Variants in LDLRAD4 observed in about 807,000 individuals in gnomAD.
LDLRAD4 encodes the protein low-density lipoprotein receptor class A domain-containing protein 4.
In LDLRAD4, 5 loss-of-function variants were observed where a neutral mutation model predicts 17.0. The ratio of observed to expected loss-of-function variants is 0.29; its 90% CI spans 0.15 to 0.62. LDLRAD4 has a LOEUF of 0.62. Ranked by LOEUF, LDLRAD4 falls within the 20% of genes least tolerant of loss-of-function variation. The probability of loss-of-function intolerance (pLI) is 0.84; values close to 1 mark genes in which losing one functional copy is unlikely to be tolerated. For missense variants in LDLRAD4, 340 were observed against 424.7 expected, an observed-to-expected ratio of 0.80 and a Z score of 1.75; for synonymous variants, 168 against 171.8, an observed-to-expected ratio of 0.98 and a Z score of 0.17.
At chr18:13,358,084 T>C (rs1275703838) in intron 1 of LDLRAD4, among the ~76,000 whole-genome samples, 5 of 152,134 alleles carry the variant, frequency 3.3e-5, no homozygotes, top group African/African-American at 1.2e-4. Flanking sequence ...CAATCCACAC[T>C]CATCTTGTAT....
intron 1 of LDLRAD4, among the ~76,000 whole-genome samples, chr18:13,344,349 C>T (rs2082553919): frequency 1.3e-5 from 2 of 152,166 alleles, no homozygotes; most frequent in Admixed American, 1.3e-4. Context: ...AATCCTTTCC[C>T]CATTTCTTGT....
At chr18:13,539,118 A>T (rs1219177175) in intron 3 of LDLRAD4, among the ~76,000 whole-genome samples, 1 of 152,138 alleles carries the variant, frequency 6.6e-6, no homozygotes, top group East Asian at 1.9e-4. Context: ...CTCAGAGTAG[A>T]GTGATTGCTT....
chr18:13,603,669 G>A (rs867835519), intron 3 of LDLRAD4, among the ~76,000 whole-genome samples: 33 of 152,346 alleles, frequency 2.2e-4, no homozygotes, highest in Admixed American at 1.1e-3. Flanking sequence ...CTCAGTGTTA[G>A]TTGTTGTCAG....
intron 3 of LDLRAD4, among the ~76,000 whole-genome samples, chr18:13,580,918 T>A (rs2094847424): frequency 6.6e-6 from 1 of 152,228 alleles, no homozygotes; most frequent in African/African-American, 2.4e-5. Context: ...AATTGAATAA[T>A]TGCCAGGTTG....
At chr18:13,302,440 G>A (rs2046658504) in intron 1 of LDLRAD4, among the ~76,000 whole-genome samples, 1 of 152,198 alleles carries the variant, frequency 6.6e-6, no homozygotes, top group Non-Finnish European at 1.5e-5. Flanking sequence ...GCTTCAAGAA[G>A]CACTGGCACT....
At chr18:13,638,446 C>T (rs994611198) in intron 4 of LDLRAD4, among the ~76,000 whole-genome samples, 1 of 152,140 alleles carries the variant, frequency 6.6e-6, no homozygotes, top group Non-Finnish European at 1.5e-5. Context: ...ATTCTTGTTA[C>T]CTTTTTTGTT....
At position 13,464,287 on chromosome 18, in the gene LDLRAD4, A is replaced by G. The variant is rs1487968809; in HGVS notation, c.181+25903A>G. ...AAAATGAAACGATGGCTAATAGCTC[A>G]GCAGAGAAGTATTTGGGCACAGTAG... On this transcript the variant is annotated intron_variant, in intron 3 of 5. Coordinates refer to ENST00000359446, the Ensembl canonical transcript of LDLRAD4. 2.6e-5 allele frequency among the ~76,000 whole-genome samples: 4 copies of G among 152,238 alleles called. No individual in the cohort carries two copies. The East Asian group carries it at 7.7e-4, about 29-fold the overall frequency.
At chr18:13,609,659 T>A (rs2039305897) in intron 3 of LDLRAD4, among the ~76,000 whole-genome samples, 2 of 152,128 alleles carry the variant, frequency 1.3e-5, no homozygotes, top group Non-Finnish European at 2.9e-5. Flanking sequence ...TTAAACTGAG[T>A]GGGCAAGGAG....
chr18:13,516,720 A>G (rs981096723), intron 3 of LDLRAD4, among the ~76,000 whole-genome samples: 1 of 152,184 alleles, frequency 6.6e-6, no homozygotes, highest in Non-Finnish European at 1.5e-5. Context: ...TAGGTTTGTT[A>G]CCCTGGATAA....
chr18:13,319,364 G>A (rs971459404), intron 1 of LDLRAD4, among the ~76,000 whole-genome samples: 1 of 152,074 alleles, frequency 6.6e-6, no homozygotes, highest in African/African-American at 2.4e-5. Flanking sequence ...GAGCCAGCTC[G>A]CTCCTGAGTT....
intron 1 of LDLRAD4, among the ~76,000 whole-genome samples, chr18:13,327,354 G>A (rs1599438159): frequency 1.3e-5 from 2 of 151,910 alleles, no homozygotes; most frequent in African/African-American, 2.4e-5. Context: ...ATGGGGCCTC[G>A]AAATTAAGGA....
intron 1 of LDLRAD4, among the ~76,000 whole-genome samples, chr18:13,371,115 G>A (rs968046418): frequency 2.0e-5 from 3 of 152,190 alleles, no homozygotes; most frequent in South Asian, 2.1e-4. Context: ...CCCGGGTGCC[G>A]GTGGGCAATG....
rs1462976093 is a variant in LDLRAD4, at chr18:13,462,073, A to G, written c.181+23689A>G. ...TCCTATTCTCCTGCCTCATGGGGTC[A>G]CTGCTTGCCTGGGTGGATGAGCTGG... On this transcript the variant is annotated intron_variant, in intron 3 of 5. Coordinates refer to ENST00000359446, the Ensembl canonical transcript of LDLRAD4. 4.6e-5 allele frequency: 7 copies of G among 152,302 alleles called. No individual in the cohort carries two copies. The East Asian group carries it at 1.4e-3, about 29-fold the overall frequency. The allele number at this position is 152,302 out of a possible 1,614,324, so 9.4% of individuals were successfully genotyped here. A position where few individuals can be genotyped will look rare whatever the true frequency, so the allele number is the denominator to read the frequency against.
At chr18:13,559,481 AT>A (rs767173773) in intron 3 of LDLRAD4, among the ~76,000 whole-genome samples, 88 of 152,356 alleles carry the variant, frequency 5.8e-4, no homozygotes, top group Middle Eastern at 3.4e-3. Context: ...TTTGTCTAGA[AT>A]TGAAATTTCT....
At chr18:13,338,178 C>G (rs747571915) in intron 1 of LDLRAD4, among the ~76,000 whole-genome samples, 4 of 152,214 alleles carry the variant, frequency 2.6e-5, no homozygotes, top group African/African-American at 4.8e-5. Context: ...TTGCTCACAA[C>G]TTCTCTGAAT....
At chr18:13,556,351 A>G (rs1313198764) in intron 3 of LDLRAD4, among the ~76,000 whole-genome samples, 1 of 152,204 alleles carries the variant, frequency 6.6e-6, no homozygotes, top group Non-Finnish European at 1.5e-5. Flanking sequence ...TTGGATTGCT[A>G]TAAACTCTGC....
chr18:13,507,201 A>AC (rs1325327031), intron 3 of LDLRAD4, among the ~76,000 whole-genome samples: 1 of 152,018 alleles, frequency 6.6e-6, no homozygotes, highest in Non-Finnish European at 1.5e-5. Context: ...TTTTTGGGGA[A>AC]CAGGTGGTTT....
chr18:13,624,072 A>G (rs960255082), intron 4 of LDLRAD4, among the ~76,000 whole-genome samples: 1 of 152,208 alleles, frequency 6.6e-6, no homozygotes, highest in Non-Finnish European at 1.5e-5. Flanking sequence ...TCATCTGTAC[A>G]GTGCGTCCTA....
intron 1 of LDLRAD4, among the ~76,000 whole-genome samples, chr18:13,308,335 T>C (rs59747040): frequency 0.034 from 5,140 of 152,336 alleles, 239 homozygotes; most frequent in African/African-American, 0.11. Flanking sequence ...AATTCCAAAT[T>C]TTGCTATTAT....
Sources: gnomAD v4.1 joint callset for allele counts (sites outside exome capture counted in the v4.1 genomes callset) on GRCh38, gnomAD v4.1.1 for gene constraint, MANE v1.5 for transcripts, NCBI Gene and HGNC (gene_info 2026-07-23, HGNC 2026-07-21) for gene names.